Variants in RBM6 observed in about 807,000 individuals in gnomAD.
RBM6 encodes RNA-binding protein 6.
In RBM6, 23 loss-of-function variants were observed where a neutral mutation model predicts 140.4. The ratio of observed to expected loss-of-function variants is 0.16; its 90% CI spans 0.12 to 0.23. The LOEUF is 0.23. RBM6 is among the 10% of genes least tolerant of loss of function. The probability of loss-of-function intolerance (pLI) is 1.00; values close to 1 mark genes in which losing one functional copy is unlikely to be tolerated. For synonymous variants in RBM6, 439 were observed against 475.6 expected, an observed-to-expected ratio of 0.92 and a Z score of 1.00; for missense variants, 1,139 against 1,386.7, an observed-to-expected ratio of 0.82 and a Z score of 2.84.
At chr3:50,008,577 C>T (rs1049291718) in intron 6 of RBM6, among the ~76,000 whole-genome samples, 6 of 95,794 alleles carry the variant, frequency 6.3e-5, no homozygotes, top group South Asian at 3.6e-4. Flanking sequence ...TTTTTTGAGA[C>T]GGATCTTGCT....
intron 10 of RBM6, among the ~76,000 whole-genome samples, chr3:50,059,152 A>C (rs1045980589): frequency 1.3e-5 from 2 of 152,268 alleles, no homozygotes; most frequent in African/African-American, 4.8e-5. Flanking sequence ...TCATGATTTT[A>C]GTGAACTTTC....
In RBM6 at chr3:49,958,637, G is replaced by C. The variant is rs377481305; in HGVS notation, c.-66-3939G>C. On this transcript the variant is annotated intron_variant, in intron 1 of 20. Coordinates refer to ENST00000266022, the MANE Select transcript of RBM6 (RefSeq NM_005777.3). ...GTGGTGGCGGGCGCCTGTAGTCCCA[G>C]TTACTCGGGAAGCTGAGGCAGGAGA... Among the ~76,000 whole-genome samples, 18 of 151,898 alleles carry C rather than the reference G, an allele frequency of 1.2e-4. No individual in the cohort carries two copies. In the East Asian group the frequency reaches 2.3e-3, roughly 20 times the overall value.
intron 1 of RBM6, among the ~76,000 whole-genome samples, chr3:49,944,224 T>C (rs961191365): frequency 2.0e-5 from 3 of 152,182 alleles, no homozygotes; most frequent in African/African-American, 4.8e-5. Flanking sequence ...TCTAGGTATC[T>C]CATGTAAGTG....
Position 49,968,438 on chromosome 3 carries a change from A to C in RBM6, c.1013A>C (p.Glu338Ala). 1 of 1,614,224 alleles carries C rather than the reference A, an allele frequency of 6.2e-7. No homozygotes were observed. Among genetic ancestry groups the C allele is most frequent in the Non-Finnish European group, 8.5e-7 (1 of 1,180,034 alleles). ...GIQKGEFEHS[E>A]TREGETQGVA... ...CAGAAGGGAGAATTTGAGCATTCAGAAACAAGAGAAGGAGAAACACAAGGT... is the reference window on the plus strand; with the variant it reads ...CAGAAGGGAGAATTTGAGCATTCAGCAACAAGAGAAGGAGAAACACAAGGT... Residue 338 changes from glutamate to alanine, a missense_variant, in exon 3 of 21, where the codon GAA becomes GCA. By Grantham distance (107) the Glu-to-Ala change is moderately radical. Around this residue, in one of 9 missense-constraint regions of RBM6, gnomAD observed 566 missense variants for 612.7 expected, o/e 0.92. Transcript: ENST00000266022.
chr3:50,005,114 G>A (rs144512585), intron 6 of RBM6, among the ~76,000 whole-genome samples: 2 of 152,282 alleles, frequency 1.3e-5, no homozygotes, highest in East Asian at 3.9e-4. Context: ...AATTAAGAGA[G>A]TTTGGGTTAT....
intron 5 of RBM6, among the ~76,000 whole-genome samples, chr3:49,996,129 A>G (rs772035992): frequency 1.3e-4 from 19 of 151,912 alleles, no homozygotes; most frequent in South Asian, 2.1e-4. Flanking sequence ...CTCCTTTTCT[A>G]AGTTTCTCTG....
chr3:50,008,023 G>T (rs927058621), intron 6 of RBM6, among the ~76,000 whole-genome samples: 4 of 152,120 alleles, frequency 2.6e-5, no homozygotes, highest in Admixed American at 6.5e-5. Flanking sequence ...TTGTGCCCAG[G>T]AGTTCAAGGT....
intron 18 of RBM6, 69 bp downstream of exon 18, chr3:50,068,833 C>A: frequency 7.4e-7 from 1 of 1,356,842 alleles, no homozygotes; most frequent in Non-Finnish European, 1.0e-6. Context: ...ACTTCATAGG[C>A]TGTGCTGATC....
At chr3:49,962,448 A>G in intron 1 of RBM6, 128 bp from the exon 2 acceptor site, 1 of 576,216 alleles carries the variant, frequency 1.7e-6, no homozygotes, top group South Asian at 2.5e-5. Context: ...AAAAAAGAAA[A>G]GAAAGAAAAG....
chr3:49,985,520 A>G (rs1181758834), intron 5 of RBM6, among the ~76,000 whole-genome samples: 2 of 152,188 alleles, frequency 1.3e-5, no homozygotes, highest in Non-Finnish European at 2.9e-5. Flanking sequence ...AAGCCTTCTT[A>G]GGACTAGATA....
intron 1 of RBM6, among the ~76,000 whole-genome samples, chr3:49,948,271 T>C (rs898355443): frequency 6.6e-6 from 1 of 152,166 alleles, no homozygotes; most frequent in African/African-American, 2.4e-5. Context: ...CTCACGCCTA[T>C]AATCTTAGCA....
chr3:50,049,949 A>G (rs1393897735), intron 7 of RBM6, among the ~76,000 whole-genome samples: 2 of 151,732 alleles, frequency 1.3e-5, no homozygotes, highest in Admixed American at 6.6e-5. Flanking sequence ...CAACCTCCCA[A>G]ATAGCTGGGA....
At chr3:49,945,164 C>T (rs550456150) in intron 1 of RBM6, among the ~76,000 whole-genome samples, 23 of 150,102 alleles carry the variant, frequency 1.5e-4, no homozygotes, top group Admixed American at 3.4e-4. Flanking sequence ...CGTGAGCCAC[C>T]GCGCCCGGCC....
At chr3:49,999,703 G>A (rs2086238345) in intron 6 of RBM6, among the ~76,000 whole-genome samples, 190 bp downstream of exon 6, 2 of 151,904 alleles carry the variant, frequency 1.3e-5, no homozygotes, top group African/African-American at 4.8e-5. Context: ...AACTTAATGG[G>A]CACAGAGTGC....
rs1232209424 is a variant in RBM6 at position 50,064,904 on chromosome 3, C to T, written c.2587-127C>T. 2.1e-5 allele frequency: 14 copies of T among 672,008 alleles called. No homozygotes were observed. The East Asian group carries it at 2.5e-4, about 12-fold the overall frequency. The allele number at this position is 672,008 out of a possible 1,614,324, so 41.6% of individuals were successfully genotyped here. On this transcript the variant is annotated intron_variant, in intron 15 of 20. Coordinates refer to ENST00000266022, the MANE Select transcript of RBM6 (RefSeq NM_005777.3). ...AGCCAGGGTGGTCTCGATCTCCTGA[C>T]GTTGTGATCCACCTGCCTTGACCTC...
chr3:49,979,398 T>C (rs938070577), intron 5 of RBM6, among the ~76,000 whole-genome samples: 1 of 152,030 alleles, frequency 6.6e-6, no homozygotes, highest in Non-Finnish European at 1.5e-5. Context: ...TTGTACACTT[T>C]AAAATGATGC....
chr3:49,994,275 C>T (rs900173899), intron 5 of RBM6, among the ~76,000 whole-genome samples: 4 of 152,000 alleles, frequency 2.6e-5, no homozygotes, highest in African/African-American at 7.2e-5. Context: ...ATTATATTGC[C>T]GAGGCTGGGA....
At chr3:50,058,211 G>A (rs1235237063) in intron 9 of RBM6, among the ~76,000 whole-genome samples, 191 bp from the exon 10 acceptor site, 1 of 152,212 alleles carries the variant, frequency 6.6e-6, no homozygotes, top group Non-Finnish European at 1.5e-5. Flanking sequence ...TATGAATGCA[G>A]TAAGGCATGA....
At chr3:50,066,178 CA>C (rs982556628) in intron 16 of RBM6, 63 bp from the exon 17 acceptor site, 132 of 1,493,142 alleles carry the variant, frequency 8.8e-5, no homozygotes, top group South Asian at 2.7e-4. Context: ...ATCAGAATAT[CA>C]AAAAAAATGG....
Sources: gnomAD v4.1 joint callset for allele counts (sites outside exome capture counted in the v4.1 genomes callset) on GRCh38, gnomAD v4.1.1 for gene constraint, gnomAD v4.1.1 regional missense constraint, MANE v1.5 for transcripts, NCBI Gene and HGNC (gene_info 2026-07-23, HGNC 2026-07-21) for gene names.